PAIP1: variants seen among roughly 807,000 people sequenced by gnomAD.
PAIP1 encodes the protein polyadenylate-binding protein-interacting protein 1.
Under a neutral mutation model 61.3 loss-of-function variants are expected in PAIP1, and 16 were observed. The observed-to-expected ratio is 0.26, with a 90% confidence interval of 0.18 to 0.40. PAIP1 has a LOEUF of 0.40. Among genes scored for constraint, PAIP1 ranks in the 10% least tolerant of loss-of-function variants. The pLI is 1.00. For missense variants in PAIP1, 416 were observed against 600.9 expected (o/e 0.69, Z 3.22); for synonymous variants, 187 against 226.2 (o/e 0.83, Z 1.56).
intron 4 of PAIP1, among the ~76,000 whole-genome samples, chr5:43,541,952 G>A (rs1561233299): frequency 1.3e-5 from 2 of 151,750 alleles, no homozygotes; most frequent in Admixed American, 1.3e-4. Flanking sequence ...TGAGGTGGGC[G>A]GATCACTTGA....
intron 3 of PAIP1, 41 bp from the exon 4 acceptor site, chr5:43,543,157 CATT>C (rs111863290): frequency 0.044 from 43,540 of 982,862 alleles, 1,605 homozygotes; most frequent in African/African-American, 0.16. Flanking sequence ...ATAGGTACAT[CATT>C]ATTAATGTAA....
chr5:43,537,996 C>CAAAAA (rs5867636), intron 5 of PAIP1, among the ~76,000 whole-genome samples: 1 of 92,668 alleles, frequency 1.1e-5, no homozygotes, highest in Admixed American at 1.4e-4. Flanking sequence ...TGTCCCCACC[C>CAAAAA]AAAAAAAAAA....
chr5:43,539,822 T>C (rs1747324741), intron 4 of PAIP1, among the ~76,000 whole-genome samples: 1 of 152,224 alleles, frequency 6.6e-6, no homozygotes, highest in Non-Finnish European at 1.5e-5. Context: ...TGAACTACAG[T>C]GTCAGATATT....
At chr5:43,550,039 A>G (rs900750124) in intron 2 of PAIP1, among the ~76,000 whole-genome samples, 2 of 151,098 alleles carry the variant, frequency 1.3e-5, no homozygotes, top group Non-Finnish European at 3.0e-5. Flanking sequence ...ATCTTCAGAG[A>G]CTGAAGTGAT....
chr5:43,547,666 C>A, intron 3 of PAIP1, 62 bp downstream of exon 3: 1 of 1,016,578 alleles, frequency 9.8e-7, no homozygotes, highest in Non-Finnish European at 1.5e-6. Context: ...CAAGGAGTAG[C>A]CACTATCCTT....
In PAIP1 at chr5:43,555,985, G is replaced by A. The variant is rs751354353; in HGVS notation, c.280C>T (p.Leu94=). 1.1e-5 allele frequency: 18 copies of A among 1,613,148 alleles called. No homozygotes were observed. The highest frequency in any genetic ancestry group is 1.4e-5 in the Non-Finnish European group (17 of 1,179,724). ...PGALPEQTRP[L]RAPPSSQDKI... ...TCCTGTGAACTAGGTGGAGCTCTCA[G>A]GGGCCTCGTTTGCTCTGCAAAAGAA... Residue 94 remains leucine (L), a synonymous_variant, in exon 2 of 11, where the codon CTG becomes TTG. Coordinates refer to ENST00000306846, the MANE Select transcript of PAIP1 (RefSeq NM_006451.5).
chr5:43,529,254 C>A (rs1220998405), intron 10 of PAIP1, among the ~76,000 whole-genome samples: 1 of 151,942 alleles, frequency 6.6e-6, no homozygotes, highest in East Asian at 1.9e-4. Context: ...ACAATAGAAT[C>A]TATTTTAAAA....
chr5:43,531,943 A>G (rs1746960235), intron 9 of PAIP1, among the ~76,000 whole-genome samples: 1 of 152,124 alleles, frequency 6.6e-6, no homozygotes, highest in Non-Finnish European at 1.5e-5. Flanking sequence ...ATGAGAAAAA[A>G]TAACTTGAAA....
At chr5:43,536,136 A>G (rs1232668269) in intron 6 of PAIP1, among the ~76,000 whole-genome samples, 1 of 152,222 alleles carries the variant, frequency 6.6e-6, no homozygotes, top group Non-Finnish European at 1.5e-5. Flanking sequence ...GATTGATTAT[A>G]TCCATCACTA....
intron 9 of PAIP1, among the ~76,000 whole-genome samples, chr5:43,532,840 G>A (rs1357485292): frequency 2.6e-5 from 4 of 152,060 alleles, no homozygotes; most frequent in African/African-American, 9.7e-5. Flanking sequence ...AATCAAAAAG[G>A]TCAACAAGAA....
intron 1 of PAIP1, 120 bp downstream of exon 1, chr5:43,556,462 G>T: frequency 1.7e-6 from 2 of 1,204,202 alleles, no homozygotes; most frequent in Non-Finnish European, 1.0e-6. Context: ...CCCTCTCGGG[G>T]AATGCTTTCG....
intron 7 of PAIP1, 23 bp downstream of exon 7, chr5:43,535,511 A>G (rs893703382): frequency 7.9e-7 from 1 of 1,268,478 alleles, no homozygotes; most frequent in Non-Finnish European, 1.2e-6. Flanking sequence ...TGCACTGGCT[A>G]TTTACATTAC....
At chr5:43,529,759 C>T (rs755412939) in intron 10 of PAIP1, 27 bp downstream of exon 10, 27 of 1,142,166 alleles carry the variant, frequency 2.4e-5, no homozygotes, top group East Asian at 7.0e-5. Flanking sequence ...AGAAATTTCA[C>T]GAAGTTAGTA....
chr5:43,538,906 A>G lies in PAIP1; in HGVS notation c.846+18T>C. 1 of 1,378,060 alleles carries G rather than the reference A, an allele frequency of 7.3e-7. No individual in the cohort carries two copies. The highest frequency in any genetic ancestry group is 1.0e-6 in the Non-Finnish European group (1 of 966,952). The allele number at this position is 1,378,060 out of a possible 1,614,324, so 85.4% of individuals were successfully genotyped here. ...TTCTCAGGCCTTGTTAGTACTTAAC[A>G]AAAGAAAAACTTCTCACCTCCAGGT... On this transcript the variant is annotated intron_variant, in intron 5 of 10. Transcript: ENST00000306846.
Position 43,527,175 on chromosome 5 carries a change from A to T in PAIP1, c.*201T>A, listed in dbSNP as rs1389390293. On this transcript the variant is annotated 3_prime_UTR_variant, in exon 11 of 11. Transcript: ENST00000306846. ...AATTAACTGTACATAATAAACTATT[A>T]TATATATATACACATTTTAAGTTAT... 1.2e-5 allele frequency: 4 copies of T among 322,800 alleles called. No homozygotes were observed. Among genetic ancestry groups the T allele is most frequent in the East Asian group, 5.1e-5 (1 of 19,424 alleles). The allele number at this position is 322,800 out of a possible 1,614,324, so 20.0% of individuals were successfully genotyped here. A position where few individuals can be genotyped will look rare whatever the true frequency, so the allele number is the denominator to read the frequency against.
In PAIP1 at chr5:43,556,144, T is replaced by C. The variant is rs1748058437; in HGVS notation, c.266-145A>G. 4 of 1,425,518 alleles carry C rather than the reference T, an allele frequency of 2.8e-6. No homozygotes were observed. The African/African-American group carries it at 5.7e-5, about 20-fold the overall frequency. The allele number at this position is 1,425,518 out of a possible 1,614,324, so 88.3% of individuals were successfully genotyped here. A position where few individuals can be genotyped will look rare whatever the true frequency, so the allele number is the denominator to read the frequency against. On this transcript the variant is annotated intron_variant, in intron 1 of 10. Coordinates refer to ENST00000306846, the MANE Select transcript of PAIP1 (RefSeq NM_006451.5). ...GAAATTTATGGTTATCGCCGGAATGTGTACAGACAGCCTACAAAAAGGAAC... is the reference window on the plus strand; with the variant it reads ...GAAATTTATGGTTATCGCCGGAATGCGTACAGACAGCCTACAAAAAGGAAC...
At chr5:43,538,197 A>G (rs1747234933) in intron 5 of PAIP1, among the ~76,000 whole-genome samples, 1 of 152,026 alleles carries the variant, frequency 6.6e-6, no homozygotes, top group Non-Finnish European at 1.5e-5. Context: ...AAAAAGAACT[A>G]TTCTTAGGGG....
rs1180522936 is a variant in PAIP1 at position 43,547,736 on chromosome 5, A to G, written c.613T>C (p.Tyr205His). The change falls in exon 3 of 11, where the codon TAT becomes CAT. Residue 205 changes from tyrosine to histidine, a missense_variant. Coordinates refer to ENST00000306846, the MANE Select transcript of PAIP1 (RefSeq NM_006451.5). ...DALQELVELI[Y>H]QQATSIPNFS... ...GCTATAAGCCAACATACCTGTTGAT[A>G]GATGAGTTCCACAAGTTCTTGCAAA... 9.3e-6 allele frequency: 15 copies of G among 1,605,870 alleles called. No individual in the cohort carries two copies. The highest frequency in any genetic ancestry group is 1.2e-5 in the Non-Finnish European group (14 of 1,176,212).
At position 43,536,838 on chromosome 5, in the gene PAIP1, C is replaced by G. The variant is rs1334215477; in HGVS notation, c.953G>C (p.Cys318Ser). The G allele has an allele frequency of 6.6e-7, 1 of 1,511,888 alleles. No homozygotes were observed. Among genetic ancestry groups the G allele is most frequent in the Non-Finnish European group, 9.0e-7 (1 of 1,113,772 alleles). The allele number at this position is 1,511,888 out of a possible 1,614,324, so 93.7% of individuals were successfully genotyped here. Reference protein sequence around the residue: ...FSNPMDDNLICAVKLLKLTGS... With the variant: ...FSNPMDDNLISAVKLLKLTGS... ...ACCTACCTTTAACAATTTTACTGCACAAATTAAATTGTCATCCATAGGATT... is the reference window on the plus strand; with the variant it reads ...ACCTACCTTTAACAATTTTACTGCAGAAATTAAATTGTCATCCATAGGATT... The change falls in exon 6 of 11, where the codon TGT becomes TCT. Residue 318 changes from cysteine (C) to serine (S), a missense_variant. Coordinates refer to ENST00000306846, the MANE Select transcript of PAIP1 (RefSeq NM_006451.5).
Sources: gnomAD v4.1 joint callset for allele counts (sites outside exome capture counted in the v4.1 genomes callset) on GRCh38, gnomAD v4.1.1 for gene constraint, MANE v1.5 for transcripts, NCBI Gene and HGNC (gene_info 2026-07-23, HGNC 2026-07-21) for gene names.